The following PNKD variants were observed in gnomAD, a reference collection of about 807,000 sequenced individuals.
The protein encoded by PNKD is probable thioesterase PNKD.
In PNKD, 36 loss-of-function variants were observed where a neutral mutation model predicts 45.3. The ratio of observed to expected loss-of-function variants is 0.80; its 90% CI spans 0.61 to 1.05. The LOEUF is 1.05. Ranked by LOEUF, PNKD falls within the 50% of genes least tolerant of loss-of-function variation. The pLI is 0.00. For synonymous variants in PNKD, 197 were observed against 210.1 expected, an observed-to-expected ratio of 0.94 and a Z score of 0.54; for missense variants, 511 against 506.6, an observed-to-expected ratio of 1.01 and a Z score of -0.08.
chr2:218,321,319 C>T (rs1693978419), intron 2 of PNKD, among the ~76,000 whole-genome samples: 1 of 152,336 alleles, frequency 6.6e-6, no homozygotes, highest in African/African-American at 2.4e-5. Context: ...CTGCATCCTA[C>T]AAGGGTCATC....
In PNKD at chr2:218,341,478, G is replaced by A. The variant is rs963283270; in HGVS notation, c.525-56G>A. The A allele has an allele frequency of 8.6e-6, 10 of 1,166,726 alleles. No individual in the cohort carries two copies. In the South Asian group the frequency reaches 1.3e-4, roughly 16 times the overall value. The allele number at this position is 1,166,726 out of a possible 1,614,324, so 72.3% of individuals were successfully genotyped here. ...GCCTGGAGATGCTGTGGTAAAGAAGGGGGCTTAGGTACAGTTGCCCCTCGA... is the reference window on the plus strand; with the variant it reads ...GCCTGGAGATGCTGTGGTAAAGAAGAGGGCTTAGGTACAGTTGCCCCTCGA... On this transcript the variant is annotated intron_variant, in intron 5 of 9. Transcript: ENST00000273077.
At chr2:218,312,577 A>AG (rs1402429383) in intron 2 of PNKD, among the ~76,000 whole-genome samples, 3 of 151,220 alleles carry the variant, frequency 2.0e-5, no homozygotes, top group Admixed American at 1.3e-4. Context: ...AAAAAAAAAA[A>AG]AAAAGAAAAC....
Position 218,340,343 on chromosome 2 carries a change from G to A in PNKD, c.465+202G>A, listed in dbSNP as rs1261770929. On this transcript the variant is annotated intron_variant, in intron 4 of 9. Transcript: ENST00000273077. The surrounding 1 kb of genome is among the most constrained non-coding windows in gnomAD (Gnocchi z 4.2). Reference sequence around the variant, plus strand: ...TGGGCAGAAGGGGAGAGCAGGAGTGGGGGATGCAGAGCCAGAGGGCTGGGG... The same window carrying A: ...TGGGCAGAAGGGGAGAGCAGGAGTGAGGGATGCAGAGCCAGAGGGCTGGGG... 6.6e-6 allele frequency among the ~76,000 whole-genome samples: 1 copy of A among 152,086 alleles called. No individual in the cohort carries two copies. Among genetic ancestry groups the A allele is most frequent in the East Asian group, 1.9e-4 (1 of 5,196 alleles).
rs1427711767 is a variant in PNKD, at chr2:218,271,487, G to T, written c.174G>T (p.Pro58=). The change falls in exon 2 of 10, where the codon CCG becomes CCT. Residue 58 remains proline, a synonymous_variant. Transcript: ENST00000273077. The part of the protein sequence containing the change: ...EGKEEPEPLS[P]ELEYIPRKRG... ...AGGAGGAACCTGAACCCCTATCCCCGGAGCTGGAATACATTCCCAGAAAGA... is the reference window on the plus strand; with the variant it reads ...AGGAGGAACCTGAACCCCTATCCCCTGAGCTGGAATACATTCCCAGAAAGA... 5 of 1,614,020 alleles carry T rather than the reference G, an allele frequency of 3.1e-6. No individual in the cohort carries two copies. Among genetic ancestry groups the T allele is most frequent in the Non-Finnish European group, 4.2e-6 (5 of 1,180,018 alleles).
At chr2:218,292,301 G>A (rs1692983324) in intron 2 of PNKD, among the ~76,000 whole-genome samples, 1 of 152,138 alleles carries the variant, frequency 6.6e-6, no homozygotes, top group East Asian at 1.9e-4. Context: ...CCAAGGGCCA[G>A]GAGGGGAGAT....
intron 2 of PNKD, among the ~76,000 whole-genome samples, chr2:218,301,834 C>A (rs1412718938): frequency 6.6e-6 from 1 of 151,988 alleles, no homozygotes; most frequent in Admixed American, 6.6e-5. Context: ...AGGACTCAAC[C>A]CCAATACCAT....
At chr2:218,311,441 C>A (rs148260430) in intron 2 of PNKD, among the ~76,000 whole-genome samples, 6 of 152,036 alleles carry the variant, frequency 3.9e-5, no homozygotes, top group Admixed American at 3.9e-4. Flanking sequence ...ACTATCTTAG[C>A]GAGGGGAGTG....
intron 2 of PNKD, among the ~76,000 whole-genome samples, chr2:218,314,692 G>A (rs952733127): frequency 3.5e-5 from 5 of 143,728 alleles, no homozygotes; most frequent in South Asian, 2.2e-4. Flanking sequence ...ATTTAAGTTC[G>A]TTTTTTTTTT....
chr2:218,270,646 CT>C, intron 1 of PNKD, 44 bp downstream of exon 1: 1 of 579,686 alleles, frequency 1.7e-6, no homozygotes, highest in Non-Finnish European at 2.7e-6. Flanking sequence ...CAGAAGATCC[CT>C]TTTCTTTCAC....
At chr2:218,276,086 A>T (rs764082930) in intron 2 of PNKD, 1 of 1,612,688 alleles carries the variant, frequency 6.2e-7, no homozygotes, top group Non-Finnish European at 8.5e-7. Flanking sequence ...AAACCTGGAG[A>T]AGAAGGGGAC....
intron 2 of PNKD, among the ~76,000 whole-genome samples, chr2:218,322,414 G>A (rs1366823170): frequency 1.3e-5 from 2 of 152,210 alleles, no homozygotes; most frequent in African/African-American, 4.8e-5. Flanking sequence ...CAGCAGTGAG[G>A]GAGCTGGGAA....
chr2:218,277,821 G>A, intron 2 of PNKD: 4 of 1,552,772 alleles, frequency 2.6e-6, no homozygotes, highest in Non-Finnish European at 3.5e-6. Context: ...AGGCGGCCCA[G>A]ATAAGGTGGA....
chr2:218,307,822 A>G (rs1300002880), intron 2 of PNKD, among the ~76,000 whole-genome samples: 2 of 152,120 alleles, frequency 1.3e-5, no homozygotes, highest in Non-Finnish European at 2.9e-5. Flanking sequence ...AGAGCCAGAG[A>G]GACTGTGGCA....
At chr2:218,322,305 T>C (rs928295233) in intron 2 of PNKD, among the ~76,000 whole-genome samples, 5 of 152,168 alleles carry the variant, frequency 3.3e-5, no homozygotes, top group African/African-American at 1.2e-4. Context: ...CAGCCCTGGC[T>C]CCTGTGCCTA....
At chr2:218,315,786 G>A (rs542087269) in intron 2 of PNKD, among the ~76,000 whole-genome samples, 1 of 152,322 alleles carries the variant, frequency 6.6e-6, no homozygotes, top group South Asian at 2.1e-4. Flanking sequence ...TAAATAGCTA[G>A]TCACTCATCC....
At chr2:218,273,479 ATT>A (rs10562640) in intron 2 of PNKD, among the ~76,000 whole-genome samples, 28 of 96,840 alleles carry the variant, frequency 2.9e-4, no homozygotes, top group South Asian at 9.6e-4. Context: ...TTTTTTACTT[ATT>A]TTTTTTTTTT....
chr2:218,329,508 T>G (rs1007642654), intron 2 of PNKD, among the ~76,000 whole-genome samples: 3 of 152,266 alleles, frequency 2.0e-5, no homozygotes, highest in Non-Finnish European at 4.4e-5. Flanking sequence ...CAGCTCTTAC[T>G]GTGCTTCTGG....
At chr2:218,341,849 C>A in intron 6 of PNKD, 132 bp from the exon 7 acceptor site, 1 of 823,754 alleles carries the variant, frequency 1.2e-6, no homozygotes, top group Non-Finnish European at 2.1e-6. Flanking sequence ...AGACCCGAGG[C>A]ACTGGGGTGA....
At chr2:218,279,216 C>T in intron 2 of PNKD, 1 of 1,538,304 alleles carries the variant, frequency 6.5e-7, no homozygotes, top group East Asian at 2.3e-5. Flanking sequence ...GGGCCCACCG[C>T]CACCCACACC....
Sources: allele counts gnomAD v4.1 joint callset (sites outside exome capture counted in the v4.1 genomes callset), GRCh38; gene constraint gnomAD v4.1.1; non-coding constraint Gnocchi (gnomAD v3.1); transcripts MANE v1.5; gene names NCBI Gene and HGNC (gene_info 2026-07-23, HGNC 2026-07-21).